SUCLA2: variants seen among roughly 807,000 people sequenced by gnomAD.
SUCLA2 encodes succinate-CoA ligase ADP-forming subunit beta, also known as succinate--CoA ligase [ADP-forming] subunit beta, mitochondrial.
SUCLA2 carries 30 observed loss-of-function variants against 54.8 expected under a neutral mutation model. That is an observed-to-expected ratio of 0.55 (90% confidence interval 0.41 to 0.74). The LOEUF is 0.74. Ranked by LOEUF, SUCLA2 falls within the 30% of genes least tolerant of loss-of-function variation. SUCLA2 has a pLI of 0.00. For missense variants in SUCLA2, 476 were observed against 562.9 expected, an observed-to-expected ratio of 0.85 and a Z score of 1.56; for synonymous variants, 172 against 188.9, an observed-to-expected ratio of 0.91 and a Z score of 0.74.
At chr13:47,991,340 T>C (rs762903034) in intron 2 of SUCLA2, among the ~76,000 whole-genome samples, 12 of 152,218 alleles carry the variant, frequency 7.9e-5, no homozygotes, top group Non-Finnish European at 1.3e-4. Flanking sequence ...CTGGGCATGT[T>C]CCTGCCTTCA....
At position 47,973,351 on chromosome 13, in the gene SUCLA2, A is replaced by C; in HGVS notation, c.576T>G (p.Ile192Met). The change falls in exon 5 of 11, where the codon ATT (isoleucine) becomes ATG (methionine). Residue 192 changes from isoleucine to methionine, a missense_variant. Physicochemically the swap from Ile to Met is conservative, Grantham distance 10. Transcript: ENST00000646932. ...CAGGAGACTCAGCAGCAACATCTTC[A>C]ATGTTGACACCACCATGTGAACTTC... Reference protein sequence around the residue: ...LIGSSHGGVNIEDVAAESPEA... With the variant: ...LIGSSHGGVNMEDVAAESPEA... 6.2e-7 allele frequency: 1 copy of C among 1,613,380 alleles called. No individual in the cohort carries two copies. Among genetic ancestry groups the C allele is most frequent in the South Asian group, 1.1e-5 (1 of 91,082 alleles).
At chr13:47,975,298 T>A (rs1354601860) in intron 4 of SUCLA2, among the ~76,000 whole-genome samples, 1 of 152,038 alleles carries the variant, frequency 6.6e-6, no homozygotes, top group Non-Finnish European at 1.5e-5. Flanking sequence ...GTAGTTGGGA[T>A]TACACGCATG....
intron 10 of SUCLA2, chr13:47,945,643 G>GACACACACACACACACACACACACACAC (rs773399228): frequency 1.8e-5 from 2 of 111,486 alleles, no homozygotes; most frequent in African/African-American, 5.8e-5. Flanking sequence ...GGAAAAGGGA[G>GACACACACACACACACACACACACACAC]ACACACACAC....
At position 47,968,640 on chromosome 13, in the gene SUCLA2, T is replaced by C. The variant is rs759579419; in HGVS notation, c.757A>G (p.Thr253Ala). 14 of 1,611,706 alleles carry C rather than the reference T, an allele frequency of 8.7e-6. No homozygotes were observed. Among genetic ancestry groups the C allele is most frequent in the South Asian group, 1.1e-5 (1 of 90,996 alleles). Reference sequence around the variant, plus strand: ...ACCATTGGATTTATTTCTATCATGGTTGCATCGTATTTCAGAAAAAGGCTG... The same window carrying C: ...ACCATTGGATTTATTTCTATCATGGCTGCATCGTATTTCAGAAAAAGGCTG... ...LYSLFLKYDATMIEINPMVED... is the reference protein window; with the variant it reads ...LYSLFLKYDAAMIEINPMVED... The change falls in exon 6 of 11, where the codon ACC (threonine) becomes GCC (alanine). Residue 253 changes from threonine (T) to alanine (A), a missense_variant. Thr to Ala is a moderately conservative substitution (Grantham distance 58). Coordinates refer to ENST00000646932, the MANE Select transcript of SUCLA2 (RefSeq NM_003850.3).
Position 47,973,304 on chromosome 13 carries a change from A to G in SUCLA2, c.623T>C (p.Ile208Thr). The stretch of plus-strand genomic sequence containing the variant: ...CTTTTTGATGCCTTCTTCAATATCA[A>G]TAGGTTCTTTAATTATTGCTTCAGG... ...ESPEAIIKEP[I>T]DIEEGIKKEQ... The change falls in exon 5 of 11, where the codon ATT becomes ACT. Residue 208 changes from isoleucine (I) to threonine (T), a missense_variant. Transcript: ENST00000646932. 1.9e-6 allele frequency: 3 copies of G among 1,613,664 alleles called. No homozygotes were observed. The highest frequency in any genetic ancestry group is 2.7e-5 in the African/African-American group (2 of 75,044).
chr13:47,991,761 TC>T (rs1023186604), intron 2 of SUCLA2: 3 of 152,164 alleles, frequency 2.0e-5, no homozygotes, highest in Non-Finnish European at 4.4e-5. Flanking sequence ...TTACGAAAAC[TC>T]CCAATGGGAA....
intron 10 of SUCLA2, among the ~76,000 whole-genome samples, chr13:47,944,447 C>T (rs1949712889): frequency 6.6e-6 from 1 of 152,064 alleles, no homozygotes; most frequent in Non-Finnish European, 1.5e-5. Flanking sequence ...CAAGGTCCTA[C>T]TGGTTCTTCT....
At chr13:47,953,823 G>C (rs972935089) in intron 8 of SUCLA2, among the ~76,000 whole-genome samples, 4 of 152,102 alleles carry the variant, frequency 2.6e-5, no homozygotes, top group Middle Eastern at 3.4e-3. Flanking sequence ...CAAATATCTA[G>C]TGATTAATAA....
intron 1 of SUCLA2, among the ~76,000 whole-genome samples, chr13:48,000,737 C>G (rs1222152261): frequency 1.3e-5 from 2 of 152,226 alleles, no homozygotes; most frequent in African/African-American, 4.8e-5. Context: ...GTAAGCACCG[C>G]TGGTCCTCTG....
intron 1 of SUCLA2, 168 bp downstream of exon 1, chr13:48,001,012 T>C: frequency 6.8e-7 from 1 of 1,465,672 alleles, no homozygotes; most frequent in Non-Finnish European, 9.1e-7. Context: ...ATGGGCTCGC[T>C]CGTAGTCCTG....
Position 47,996,501 on chromosome 13 carries a change from T to G in SUCLA2, c.271+342A>C, listed in dbSNP as rs148198631. Among the ~76,000 whole-genome samples, 878 of 152,070 alleles carry G rather than the reference T, an allele frequency of 5.8e-3. 12 individuals carry two copies. Among genetic ancestry groups the G allele is most frequent in the African/African-American group, 0.02 (810 of 41,486 alleles). ...CTAAGATTTTCCTTCACCATTTCCC[T>G]GAAGAATCATCACAACTGCCATCCT... On this transcript the variant is annotated intron_variant, in intron 2 of 10. Transcript: ENST00000646932.
intron 10 of SUCLA2, chr13:47,945,741 C>T (rs1027671027): frequency 2.6e-5 from 4 of 151,720 alleles, no homozygotes; most frequent in African/African-American, 4.8e-5. Flanking sequence ...CTGCAGTCAA[C>T]TGTGGTCCAA....
rs777506622 is a variant in SUCLA2, at chr13:47,994,567, CAAAAAA to C, written c.271+2270_271+2275del. On this transcript the variant is annotated intron_variant, in intron 2 of 10. Transcript: ENST00000646932. ...TGGGCGACAGAGTGAGACTCCGTCT[CAAAAAA>C]AAAAAAAAAAAAAAAACCACGAAAT... Among the ~76,000 whole-genome samples the C allele has an allele frequency of 5.6e-4, 25 of 44,848 alleles. No homozygotes were observed. The East Asian group carries it at 0.015, about 26-fold the overall frequency. The allele number at this position is 44,848 out of a possible 152,430, so 29.4% of individuals were successfully genotyped here.
At chr13:47,997,132 G>A in intron 1 of SUCLA2, 109 bp from the exon 2 acceptor site, 1 of 1,157,302 alleles carries the variant, frequency 8.6e-7, no homozygotes, top group Non-Finnish European at 1.3e-6. Flanking sequence ...CATTAGCAAA[G>A]TACAATATTC....
At chr13:47,963,216 T>G (rs980274154) in intron 6 of SUCLA2, among the ~76,000 whole-genome samples, 1 of 152,156 alleles carries the variant, frequency 6.6e-6, no homozygotes, top group East Asian at 1.9e-4. Context: ...ATAACTATAT[T>G]GAAGCTAATA....
At chr13:47,983,683 G>A (rs1200126621) in intron 4 of SUCLA2, among the ~76,000 whole-genome samples, 1 of 152,000 alleles carries the variant, frequency 6.6e-6, no homozygotes, top group Non-Finnish European at 1.5e-5. Flanking sequence ...TAGAGACAGG[G>A]TTTCACCGTG....
At chr13:47,949,650 G>C (rs767436603) in intron 8 of SUCLA2, 47 bp from the exon 9 acceptor site, 6 of 1,594,708 alleles carry the variant, frequency 3.8e-6, no homozygotes, top group Non-Finnish European at 5.2e-6. Context: ...AGAAATTTAA[G>C]TTCTTTTCCC....
intron 5 of SUCLA2, 118 bp downstream of exon 5, chr13:47,973,146 C>G (rs938412986): frequency 1.2e-5 from 11 of 881,750 alleles, no homozygotes; most frequent in Non-Finnish European, 1.8e-5. Flanking sequence ...AAGTTATTAA[C>G]TTTCCTGACA....
rs1950124181 is a variant in SUCLA2, at chr13:47,988,610, T to C, written c.465A>G (p.Val155=). The part of the protein sequence containing the change: ...TGEKGRICNQ[V]LVCERKYPRR... ...TGGGATATTTTCGCTCACAGACCAATACTTGATTGCATATTCTGCCCTTTT... is the reference window on the plus strand; with the variant it reads ...TGGGATATTTTCGCTCACAGACCAACACTTGATTGCATATTCTGCCCTTTT... The change falls in exon 4 of 11, where the codon GTA becomes GTG. Residue 155 remains valine (V), a synonymous_variant. Coordinates refer to ENST00000646932, the MANE Select transcript of SUCLA2 (RefSeq NM_003850.3). 6.2e-7 allele frequency: 1 copy of C among 1,613,998 alleles called. No individual in the cohort carries two copies. The highest frequency in any genetic ancestry group is 8.5e-7 in the Non-Finnish European group (1 of 1,179,952).
Sources: gnomAD v4.1 joint callset for allele counts (sites outside exome capture counted in the v4.1 genomes callset) on GRCh38, gnomAD v4.1.1 for gene constraint, MANE v1.5 for transcripts, NCBI Gene and HGNC (gene_info 2026-07-23, HGNC 2026-07-21) for gene names.